Variants in RAB3IL1 observed in about 807,000 individuals in gnomAD.
The protein encoded by RAB3IL1 is guanine nucleotide exchange factor for Rab-3A.
RAB3IL1 carries 37 observed loss-of-function variants against 49.2 expected under a neutral mutation model. The observed-to-expected ratio is 0.75, with a 90% CI of 0.58 to 0.99. The LOEUF is 0.99. Ranked by LOEUF, RAB3IL1 falls within the 50% of genes least tolerant of loss-of-function variation. The pLI is 0.00. For synonymous variants in RAB3IL1, 193 were observed against 213.9 expected (o/e 0.90, Z 0.85); for missense variants, 484 against 513.0 (o/e 0.94, Z 0.55).
chr11:61,934,450 G>GTGTATGTATGTATGTATATATA, the RAB3IL1 span, among the ~76,000 whole-genome samples: 1 of 31,624 alleles, frequency 3.2e-5, no homozygotes, highest in Non-Finnish European at 7.0e-5. Flanking sequence ...GTGTGTGTAT[G>GTGTATGTATGTATGTATATATA]TATATATATA....
chr11:61,917,206 G>A, intron 1 of RAB3IL1, 151 bp downstream of exon 1: 1 of 1,210,846 alleles, frequency 8.3e-7, no homozygotes, highest in Non-Finnish European at 1.0e-6. Context: ...GAGTCTCCTG[G>A]CTGCAAGTCG....
At chr11:61,943,375 G>A in the RAB3IL1 span, among the ~76,000 whole-genome samples, 4 of 152,118 alleles carry the variant, frequency 2.6e-5, no homozygotes, top group Admixed American at 6.5e-5. Flanking sequence ...GAACTAAAGC[G>A]ATAGAAGTTT....
At chr11:61,944,402 G>T in the RAB3IL1 span, among the ~76,000 whole-genome samples, 1 of 151,938 alleles carries the variant, frequency 6.6e-6, no homozygotes, top group South Asian at 2.1e-4. Context: ...CTCCCAAAAT[G>T]TAGGGATTGT....
At chr11:61,924,650 T>C (rs949242840), upstream of RAB3IL1, among the ~76,000 whole-genome samples, 1 of 152,198 alleles carries the variant, frequency 6.6e-6, no homozygotes, top group African/African-American at 2.4e-5. Context: ...CTGGGAGGAT[T>C]ATCTTTGTTC....
chr11:61,933,356 T>C, the RAB3IL1 span, among the ~76,000 whole-genome samples: 1 of 150,832 alleles, frequency 6.6e-6, no homozygotes. Flanking sequence ...GATGGAGGAG[T>C]GTTGTGGCCA....
At chr11:61,929,275 C>T in the RAB3IL1 span, among the ~76,000 whole-genome samples, 1 of 152,060 alleles carries the variant, frequency 6.6e-6, no homozygotes, top group African/African-American at 2.4e-5. Flanking sequence ...GAGGCTGAGG[C>T]AGGTGGATCG....
rs756048663 is a variant in RAB3IL1 at position 61,902,515 on chromosome 11, C to A, written c.926G>T (p.Arg309Leu). Reference protein sequence around the residue: ...TNTCALSGLTRTCRHRIRLGD... With the variant: ...TNTCALSGLTLTCRHRIRLGD... ...GAGCCGGATTCGGTGGCGGCAGGTG[C>A]GGGTCAGCCCGCTCAGGGCACATGT... Residue 309 changes from arginine (R) to leucine (L), a missense_variant, in exon 8 of 10, where the codon CGC becomes CTC. Arg to Leu is a moderately radical substitution (Grantham distance 102, BLOSUM62 -2). Transcript: ENST00000394836. 13 of 1,601,736 alleles carry A rather than the reference C, an allele frequency of 8.1e-6. No homozygotes were observed. The highest frequency in any genetic ancestry group is 8.5e-6 in the Non-Finnish European group (10 of 1,176,066).
the RAB3IL1 span, among the ~76,000 whole-genome samples, chr11:61,938,426 G>T: frequency 5.9e-4 from 90 of 152,090 alleles, no homozygotes; most frequent in African/African-American, 2.0e-3. Flanking sequence ...ACAAAAAGAG[G>T]GCTGGAGTGG....
At chr11:61,909,826 G>A (rs1279213509) in intron 1 of RAB3IL1, among the ~76,000 whole-genome samples, 2 of 152,224 alleles carry the variant, frequency 1.3e-5, no homozygotes, top group African/African-American at 4.8e-5. Flanking sequence ...CTCAACAGCA[G>A]CTGGGTGCAG....
In RAB3IL1 at chr11:61,904,873, T is replaced by C. The variant is rs753091727; in HGVS notation, c.667A>G (p.Ile223Val). 3.1e-6 allele frequency: 5 copies of C among 1,599,848 alleles called. No individual in the cohort carries two copies. The highest frequency in any genetic ancestry group is 2.2e-5 in the East Asian group (1 of 44,770). The change falls in exon 6 of 10, where the codon ATC becomes GTC. Residue 223 changes from isoleucine (I) to valine (V), a missense_variant. Transcript: ENST00000394836. ...PDREGKEVDT[I>V]LFAEFQAWRE... ...CAGGCCTGGAACTCTGCAAACAGGA[T>C]TGTGTCCACCTGTGGGGGAGGGCAA...
Position 61,906,826 on chromosome 11 carries a change from G to C in RAB3IL1, c.439-142C>G. On this transcript the variant is annotated intron_variant, in intron 4 of 9. Coordinates refer to ENST00000394836, the MANE Select transcript of RAB3IL1 (RefSeq NM_013401.4). This position sits in a 1 kb window ranked among gnomAD's most constrained non-coding sequence, Gnocchi z 4.6. ...ACCCGACGCCCTCAGAACAGCCTTCGAGGCAGAGACCCAGACACTCGTTTT... is the reference window on the plus strand; with the variant it reads ...ACCCGACGCCCTCAGAACAGCCTTCCAGGCAGAGACCCAGACACTCGTTTT... The C allele has an allele frequency of 1.2e-6, 1 of 800,828 alleles. No homozygotes were observed. The highest frequency in any genetic ancestry group is 2.1e-6 in the Non-Finnish European group (1 of 479,642). The allele number at this position is 800,828 out of a possible 1,614,324, so 49.6% of individuals were successfully genotyped here.
the RAB3IL1 span, among the ~76,000 whole-genome samples, chr11:61,928,335 A>T: frequency 1.3e-5 from 2 of 152,184 alleles, no homozygotes; most frequent in East Asian, 1.9e-4. Context: ...GGGCATCTAC[A>T]TGGTGCTAGG....
intron 1 of RAB3IL1, among the ~76,000 whole-genome samples, chr11:61,912,299 C>T (rs1164778824): frequency 2.0e-5 from 3 of 152,218 alleles, no homozygotes; most frequent in African/African-American, 7.2e-5. Context: ...GATTCACGCT[C>T]AGCCTTTGCG....
upstream of RAB3IL1, among the ~76,000 whole-genome samples, chr11:61,918,879 C>T (rs1160138348): frequency 2.0e-5 from 3 of 152,230 alleles, no homozygotes; most frequent in African/African-American, 7.2e-5. Flanking sequence ...ATAGCCATCA[C>T]TCAGCAGGGC....
upstream of RAB3IL1, among the ~76,000 whole-genome samples, chr11:61,918,717 G>A (rs932012113): frequency 1.8e-4 from 27 of 152,332 alleles, no homozygotes; most frequent in Non-Finnish European, 3.8e-4. Flanking sequence ...TGGGCACAGC[G>A]CACAGCAAGG....
intron 3 of RAB3IL1, 37 bp downstream of exon 3, chr11:61,907,528 C>T (rs750748550): frequency 1.2e-6 from 2 of 1,613,764 alleles, no homozygotes; most frequent in Non-Finnish European, 8.5e-7. Context: ...CCCAGATGAC[C>T]CATTCCCCAA....
At chr11:61,926,104 CAAAA>C in the RAB3IL1 span, among the ~76,000 whole-genome samples, 24 of 64,062 alleles carry the variant, frequency 3.7e-4, no homozygotes, top group Non-Finnish European at 6.8e-4. Context: ...TCCTTCCTGC[CAAAA>C]AAAAAAAAAA....
chr11:61,906,416 G>A lies in RAB3IL1; in HGVS notation c.657+50C>T, dbSNP rs1224897041. On this transcript the variant is annotated intron_variant, in intron 5 of 9. Coordinates refer to ENST00000394836, the MANE Select transcript of RAB3IL1 (RefSeq NM_013401.4). This position sits in a 1 kb window ranked among gnomAD's most constrained non-coding sequence, Gnocchi z 4.6. ...TCACTGGGCTCGGACCCTGCCTACC[G>A]CAGGCACTGCCACCCTTCCCCGTGC... 8.1e-6 allele frequency: 12 copies of A among 1,485,424 alleles called. No homozygotes were observed. The highest frequency in any genetic ancestry group is 1.2e-5 in the South Asian group (1 of 82,542). The allele number at this position is 1,485,424 out of a possible 1,614,324, so 92.0% of individuals were successfully genotyped here.
chr11:61,939,917 C>T, the RAB3IL1 span, among the ~76,000 whole-genome samples: 1 of 151,466 alleles, frequency 6.6e-6, no homozygotes, highest in South Asian at 2.1e-4. Flanking sequence ...ATGATCTTGC[C>T]ACTGCACTCC....
Sources: gnomAD v4.1 joint callset for allele counts (sites outside exome capture counted in the v4.1 genomes callset) on GRCh38, gnomAD v4.1.1 for gene constraint, Gnocchi (gnomAD v3.1) non-coding constraint, MANE v1.5 for transcripts, NCBI Gene and HGNC (gene_info 2026-07-23, HGNC 2026-07-21) for gene names.